The following MTIF2 variants were observed in gnomAD, a reference collection of about 807,000 sequenced individuals.
The protein encoded by MTIF2 is mitochondrial translational initiation factor 2.
MTIF2 carries 71 observed loss-of-function variants against 83.5 expected under a neutral mutation model. The observed-to-expected ratio is 0.85, with a 90% CI of 0.70 to 1.04. The LOEUF is 1.04. MTIF2 is among the 50% of genes least tolerant of loss of function. The pLI, the probability that MTIF2 is intolerant of heterozygous loss-of-function variation, is 0.00. For synonymous variants in MTIF2, 319 were observed against 287.1 expected (o/e 1.11, Z -1.12); for missense variants, 957 against 846.5 (o/e 1.13, Z -1.62).
chr2:55,246,173 G>A (rs1676683833), intron 10 of MTIF2, among the ~76,000 whole-genome samples, 164 bp downstream of exon 10: 1 of 152,158 alleles, frequency 6.6e-6, no homozygotes, highest in African/African-American at 2.4e-5. Context: ...GCATTTTTGT[G>A]TTCTTGTATT....
intron 5 of MTIF2, among the ~76,000 whole-genome samples, chr2:55,255,246 T>C (rs558084488): frequency 2.0e-4 from 31 of 151,258 alleles, no homozygotes; most frequent in Non-Finnish European, 4.3e-4. Context: ...ACCAAAACTA[T>C]TGAATTAGCA....
At chr2:55,254,341 T>C (rs1322504504) in intron 6 of MTIF2, 140 bp from the exon 7 acceptor site, 1 of 852,778 alleles carries the variant, frequency 1.2e-6, no homozygotes, top group Non-Finnish European at 1.6e-6. Flanking sequence ...TATTTCCCCC[T>C]CCTATACATA....
chr2:55,266,799 G>A (rs1255189857), intron 3 of MTIF2, among the ~76,000 whole-genome samples: 4 of 121,376 alleles, frequency 3.3e-5, no homozygotes, highest in African/African-American at 6.5e-5. Context: ...ATGGAGTCTC[G>A]CTCTGTTGCC....
In MTIF2 at chr2:55,242,113, G is replaced by C. The variant is rs191355986; in HGVS notation, c.1705+827C>G. On this transcript the variant is annotated intron_variant, in intron 13 of 15. Transcript: ENST00000263629. ...GCCGAGACCGTGCCACTGCACTCCA[G>C]CCTGGGCAAAAGAGTGAGGCTCTGT... Among the ~76,000 whole-genome samples, 17 of 148,604 alleles carry C rather than the reference G, an allele frequency of 1.1e-4. No individual in the cohort carries two copies. In the East Asian group the frequency reaches 3.1e-3, roughly 27 times the overall value.
chr2:55,242,557 A>G (rs1008181282), intron 13 of MTIF2, among the ~76,000 whole-genome samples: 8 of 152,254 alleles, frequency 5.3e-5, no homozygotes, highest in Non-Finnish European at 1.2e-4. Flanking sequence ...AAGATGAAGG[A>G]AAGAACTGAA....
chr2:55,237,464 T>TA, intron 14 of MTIF2, 36 bp from the exon 15 acceptor site: 1 of 1,546,720 alleles, frequency 6.5e-7, no homozygotes, highest in Non-Finnish European at 8.7e-7. Context: ...TGCAGAAAAC[T>TA]AAAGATTCTG....
intron 13 of MTIF2, among the ~76,000 whole-genome samples, chr2:55,240,756 G>A (rs973261634): frequency 1.6e-4 from 24 of 152,160 alleles, no homozygotes; most frequent in East Asian, 3.9e-4. Context: ...TGCCTATAAC[G>A]TGTAAAGCAG....
chr2:55,244,666 G>A (rs1222335396), intron 10 of MTIF2, among the ~76,000 whole-genome samples: 2 of 152,062 alleles, frequency 1.3e-5, no homozygotes, highest in Non-Finnish European at 2.9e-5. Context: ...TGTAATCCCA[G>A]CACTTTTGAA....
At chr2:55,242,816 G>C in intron 13 of MTIF2, 124 bp downstream of exon 13, 1 of 950,730 alleles carries the variant, frequency 1.1e-6, no homozygotes, top group Non-Finnish European at 1.6e-6. Flanking sequence ...CTGGACTATA[G>C]CAGGAAGGGT....
At chr2:55,254,256 C>A in intron 6 of MTIF2, 55 bp from the exon 7 acceptor site, 1 of 1,568,750 alleles carries the variant, frequency 6.4e-7, no homozygotes, top group Non-Finnish European at 8.7e-7. Context: ...TACTTTATAG[C>A]CTGTGAATTG....
intron 14 of MTIF2, among the ~76,000 whole-genome samples, chr2:55,238,977 A>G (rs544900932): frequency 1.3e-5 from 2 of 152,366 alleles, no homozygotes; most frequent in South Asian, 2.1e-4. Flanking sequence ...CATCATGGGG[A>G]AACACTGGAC....
chr2:55,241,340 C>T (rs1676287194), intron 13 of MTIF2, among the ~76,000 whole-genome samples: 2 of 151,574 alleles, frequency 1.3e-5, no homozygotes, highest in African/African-American at 4.8e-5. Flanking sequence ...ATCTCTTGAA[C>T]CCAGGAGGTG....
rs200505278 is a variant in MTIF2, at chr2:55,263,679, C to T, written c.180G>A (p.Gly60=). 9.3e-6 allele frequency: 15 copies of T among 1,613,910 alleles called. No individual in the cohort carries two copies. Among genetic ancestry groups the T allele is most frequent in the Non-Finnish European group, 1.3e-5 (15 of 1,179,944 alleles). ...AWPWPTDVLT[G]AALSQYRLLV... Reference sequence around the variant, plus strand: ...GAAGCCTATACTGAGATAAAGCAGCCCCAGTGAGCACATCTGTTGGCCAGG... The same window carrying T: ...GAAGCCTATACTGAGATAAAGCAGCTCCAGTGAGCACATCTGTTGGCCAGG... The change falls in exon 4 of 16, where the codon GGG becomes GGA. Residue 60 remains glycine (G), a synonymous_variant. Coordinates refer to ENST00000263629, the MANE Select transcript of MTIF2 (RefSeq NM_002453.3).
rs1291291516 is a variant in MTIF2 at position 55,252,663 on chromosome 2, C to T, written c.665-10G>A. The T allele has an allele frequency of 6.2e-7, 1 of 1,603,732 alleles. No homozygotes were observed. Among genetic ancestry groups the T allele is most frequent in the Admixed American group, 1.7e-5 (1 of 58,552 alleles). ...CCAGAAGGCAGAGAGACTGTGGAAA[C>T]AGAAATTCAAGAACATCAAGGATTC... On this transcript the variant is annotated splice_polypyrimidine_tract_variant and intron_variant, in intron 7 of 15. Coordinates refer to ENST00000263629, the MANE Select transcript of MTIF2 (RefSeq NM_002453.3).
chr2:55,263,903 T>A, intron 3 of MTIF2, 38 bp from the exon 4 acceptor site: 1 of 1,468,580 alleles, frequency 6.8e-7, no homozygotes, highest in Non-Finnish European at 9.4e-7. Flanking sequence ...AATATTCAAA[T>A]CAAGTTAGCA....
intron 5 of MTIF2, among the ~76,000 whole-genome samples, chr2:55,257,531 T>C (rs1376496401): frequency 6.6e-6 from 1 of 152,090 alleles, no homozygotes. Flanking sequence ...AACATTAAAC[T>C]AAAAGAACAT....
chr2:55,252,368 T>C, intron 8 of MTIF2, 109 bp downstream of exon 8: 1 of 917,038 alleles, frequency 1.1e-6, no homozygotes, highest in South Asian at 1.6e-5. Flanking sequence ...TTATCTGTAA[T>C]ACACGTATAA....
At position 55,250,364 on chromosome 2, in the gene MTIF2, G is replaced by A. The variant is rs998264233; in HGVS notation, c.842-830C>T. Among the ~76,000 whole-genome samples, 16 of 151,558 alleles carry A rather than the reference G, an allele frequency of 1.1e-4. No individual in the cohort carries two copies. The Middle Eastern group carries it at 0.014, about 131-fold the overall frequency. On this transcript the variant is annotated intron_variant, in intron 8 of 15. Transcript: ENST00000263629. Reference sequence around the variant, plus strand: ...GTCAACTGTATTTTGGGTAGAAAAAGGCCTATCCTTAAACCTAAAAGCAAG... The same window carrying A: ...GTCAACTGTATTTTGGGTAGAAAAAAGCCTATCCTTAAACCTAAAAGCAAG...
chr2:55,260,972 A>G (rs1677921389), intron 5 of MTIF2, among the ~76,000 whole-genome samples: 1 of 151,992 alleles, frequency 6.6e-6, no homozygotes, highest in South Asian at 2.1e-4. Flanking sequence ...GAGAAGTTGT[A>G]GTTATTACTA....
Sources: allele counts gnomAD v4.1 joint callset (sites outside exome capture counted in the v4.1 genomes callset), GRCh38; gene constraint gnomAD v4.1.1; transcripts MANE v1.5; gene names NCBI Gene and HGNC (gene_info 2026-07-23, HGNC 2026-07-21).